OR51L1: variants seen among roughly 807,000 people sequenced by gnomAD.
OR51L1 encodes olfactory receptor family 51 subfamily L member 1.
In OR51L1, 1 loss-of-function variant was observed where a neutral mutation model predicts 1.4. The observed-to-expected ratio is 0.72, with a 90% CI of 0.26 to 3.42. The LOEUF (loss-of-function observed/expected upper bound fraction) is 3.42, where lower values mean the gene tolerates loss of function less well. OR51L1 is among the 30% of genes most tolerant of loss of function. The pLI, the probability that OR51L1 is intolerant of heterozygous loss-of-function variation, is 0.20. For synonymous variants in OR51L1, 156 were observed against 144.2 expected (o/e 1.08, Z -0.59); for missense variants, 378 against 380.0 (o/e 0.99, Z 0.04).
rs1446603729 is a variant in OR51L1, at chr11:4,999,332, T to A, written c.350T>A (p.Leu117Ter). The A allele has an allele frequency of 2.5e-6, 4 of 1,614,170 alleles. No homozygotes were observed. The highest frequency in any genetic ancestry group is 3.4e-6 in the Non-Finnish European group (4 of 1,180,028). Residue 117 changes from leucine to a stop codon, truncating the protein, a stop_gained, in exon 3 of 3, where the codon TTG (leucine) becomes TAG (stop). Coordinates refer to ENST00000641819, the MANE Select transcript of OR51L1 (RefSeq NM_001004755.2). LOFTEE classifies it low-confidence loss of function (END_TRUNC). ...TTCACATTCCTGGAGTCCTCAGTGTTGCTGGCCATGGCCTTTGACCGTTTT... is the reference window on the plus strand; with the variant it reads ...TTCACATTCCTGGAGTCCTCAGTGTAGCTGGCCATGGCCTTTGACCGTTTT... ...HTFTFLESSV[L>*]LAMAFDRFVA...
chr11:5,000,837 T>A lies in OR51L1; in HGVS notation c.*907T>A, dbSNP rs1847123248. On this transcript the variant is annotated 3_prime_UTR_variant, in exon 3 of 3. Transcript: ENST00000641819. Reference sequence around the variant, plus strand: ...TTATCTTGGGTCATCTGGTGGGTCATCCAGTAGTCTGGCCAGTGGGGGAGA... The same window carrying A: ...TTATCTTGGGTCATCTGGTGGGTCAACCAGTAGTCTGGCCAGTGGGGGAGA... The A allele has an allele frequency of 6.6e-6, 1 of 152,456 alleles. No homozygotes were observed. Among genetic ancestry groups the A allele is most frequent in the Admixed American group, 6.5e-5 (1 of 15,270 alleles). The allele number at this position is 152,456 out of a possible 1,614,324, so 9.4% of individuals were successfully genotyped here.
rs572585094 is a variant in OR51L1 at position 5,000,215 on chromosome 11, ATTAAG to A, written c.*288_*292del. ...AAAACTATACAAAATTATTAATGTT[ATTAAG>A]TTGTCATTGTTGTTAATGATAACAG... On this transcript the variant is annotated 3_prime_UTR_variant, in exon 3 of 3. Transcript: ENST00000641819. The A allele has an allele frequency of 2.0e-3, 555 of 276,242 alleles. 5 individuals carry two copies. The highest frequency in any genetic ancestry group is 0.01 in the African/African-American group (451 of 44,198). The allele number at this position is 276,242 out of a possible 1,614,324, so 17.1% of individuals were successfully genotyped here. A position where few individuals can be genotyped will look rare whatever the true frequency, so the allele number is the denominator to read the frequency against.
rs557206358 is a variant in OR51L1, at chr11:5,004,050, A to G, written c.*4120A>G. 1 of 152,322 alleles carries G rather than the reference A, an allele frequency of 6.6e-6. No individual in the cohort carries two copies. The highest frequency in any genetic ancestry group is 1.5e-5 in the Non-Finnish European group (1 of 68,040). 9.4% of individuals were successfully genotyped at this position (152,322 alleles called of 1,614,324 possible). A position where few individuals can be genotyped will look rare whatever the true frequency, so the allele number is the denominator to read the frequency against. On this transcript the variant is annotated 3_prime_UTR_variant, in exon 3 of 3. Coordinates refer to ENST00000641819, the MANE Select transcript of OR51L1 (RefSeq NM_001004755.2). ...TTAATTTCATAAGGAAATCAACTTT[A>G]AAGAAGGTAAAGACAACGCTGAGTA...
chr11:4,998,958 A>G lies in OR51L1; in HGVS notation c.-25A>G, dbSNP rs781483028. On this transcript the variant is annotated 5_prime_UTR_variant, in exon 3 of 3. Coordinates refer to ENST00000641819, the MANE Select transcript of OR51L1 (RefSeq NM_001004755.2). ...AGGAAAACACGAACCATTCCTCACT[A>G]CTTGCTGAATTACTCAAAGTCACTA... 2.5e-6 allele frequency: 4 copies of G among 1,598,790 alleles called. No homozygotes were observed. The highest frequency in any genetic ancestry group is 3.4e-6 in the Non-Finnish European group (4 of 1,170,800).
Position 4,999,463 on chromosome 11 carries a change from A to G in OR51L1, c.481A>G (p.Thr161Ala). ...LLRSLGVVLP[T>A]PLLLRHYHYC... ...ACGAAGCTTGGGAGTTGTACTTCCC[A>G]CACCTTTGCTACTGAGACACTATCA... is the stretch of plus-strand genomic sequence containing the variant. Residue 161 changes from threonine to alanine, a missense_variant, in exon 3 of 3, where the codon ACA becomes GCA. Thr to Ala is a moderately conservative substitution (Grantham distance 58). Transcript: ENST00000641819. 1 of 1,614,110 alleles carries G rather than the reference A, an allele frequency of 6.2e-7. No individual in the cohort carries two copies. The highest frequency in any genetic ancestry group is 2.2e-5 in the East Asian group (1 of 44,858).
chr11:4,998,972 T>C lies in OR51L1; in HGVS notation c.-11T>C. On this transcript the variant is annotated 5_prime_UTR_variant, in exon 3 of 3. Transcript: ENST00000641819. ...CATTCCTCACTACTTGCTGAATTACTCAAAGTCACTATGGGAGACTGGAAT... is the reference window on the plus strand; with the variant it reads ...CATTCCTCACTACTTGCTGAATTACCCAAAGTCACTATGGGAGACTGGAAT... 1.2e-6 allele frequency: 2 copies of C among 1,606,810 alleles called. No homozygotes were observed. The highest frequency in any genetic ancestry group is 1.7e-6 in the Non-Finnish European group (2 of 1,175,352).
chr11:4,998,194 AACACACACACACACAC>A (rs3066001), intron 2 of OR51L1, among the ~76,000 whole-genome samples: 124 of 145,874 alleles, frequency 8.5e-4, no homozygotes, highest in Admixed American at 2.0e-3. Flanking sequence ...TTATTTCACA[AACACACACACACACAC>A]ACACACACAC....
Position 5,000,043 on chromosome 11 carries a change from T to G in OR51L1, c.*113T>G, listed in dbSNP as rs1847116340. The stretch of plus-strand genomic sequence containing the variant: ...CTGGTTAAAATCCTAATTCTTTCAC[T>G]TCTTATACATGTAATTTCAGTTAAT... On this transcript the variant is annotated 3_prime_UTR_variant, in exon 3 of 3. Transcript: ENST00000641819. 9.5e-7 allele frequency: 1 copy of G among 1,056,750 alleles called. No homozygotes were observed. The highest frequency in any genetic ancestry group is 1.6e-5 in the African/African-American group (1 of 62,382). The allele number at this position is 1,056,750 out of a possible 1,614,324, so 65.5% of individuals were successfully genotyped here. A position where few individuals can be genotyped will look rare whatever the true frequency, so the allele number is the denominator to read the frequency against.
chr11:4,998,540 T>C (rs1589828414), intron 2 of OR51L1, among the ~76,000 whole-genome samples: 1 of 152,176 alleles, frequency 6.6e-6, no homozygotes, highest in Non-Finnish European at 1.5e-5. Context: ...ATCAATTCGA[T>C]TGTCATGAAT....
At position 4,999,207 on chromosome 11, in the gene OR51L1, G is replaced by A; in HGVS notation, c.225G>A (p.Met75Ile). ...TCTTAGCAGTGAATGACCTGGGGAT[G>A]TCCCTGTCTACACTTCCCACCATGC... ...ISILAVNDLG[M>I]SLSTLPTMLA... The change falls in exon 3 of 3, where the codon ATG (methionine) becomes ATA (isoleucine). Residue 75 changes from methionine (M) to isoleucine (I), a missense_variant. Met to Ile is a conservative substitution (Grantham distance 10). Coordinates refer to ENST00000641819, the MANE Select transcript of OR51L1 (RefSeq NM_001004755.2). 1 of 1,614,140 alleles carries A rather than the reference G, an allele frequency of 6.2e-7. No individual in the cohort carries two copies. The highest frequency in any genetic ancestry group is 8.5e-7 in the Non-Finnish European group (1 of 1,180,000).
In OR51L1 at chr11:5,000,896, G is replaced by C. The variant is rs1031691711; in HGVS notation, c.*966G>C. 3 of 152,142 alleles carry C rather than the reference G, an allele frequency of 2.0e-5. No individual in the cohort carries two copies. Among genetic ancestry groups the C allele is most frequent in the Non-Finnish European group, 4.4e-5 (3 of 68,134 alleles). 9.4% of individuals were successfully genotyped at this position (152,142 alleles called of 1,614,324 possible). A position where few individuals can be genotyped will look rare whatever the true frequency, so the allele number is the denominator to read the frequency against. ...GGGTGCTTGGTTTGTTTTAAGACTT[G>C]GTCTATGGAACTTCTTTTTCTTTCT... On this transcript the variant is annotated 3_prime_UTR_variant, in exon 3 of 3. Transcript: ENST00000641819.
At position 5,000,055 on chromosome 11, in the gene OR51L1, T is replaced by A; in HGVS notation, c.*125T>A. 1 of 977,194 alleles carries A rather than the reference T, an allele frequency of 1.0e-6. No individual in the cohort carries two copies. Among genetic ancestry groups the A allele is most frequent in the Non-Finnish European group, 1.4e-6 (1 of 691,040 alleles). The allele number at this position is 977,194 out of a possible 1,614,324, so 60.5% of individuals were successfully genotyped here. A position where few individuals can be genotyped will look rare whatever the true frequency, so the allele number is the denominator to read the frequency against. On this transcript the variant is annotated 3_prime_UTR_variant, in exon 3 of 3. Coordinates refer to ENST00000641819, the MANE Select transcript of OR51L1 (RefSeq NM_001004755.2). The stretch of plus-strand genomic sequence containing the variant: ...CTAATTCTTTCACTTCTTATACATG[T>A]AATTTCAGTTAATCTTTAACCAATA...
intron 1 of OR51L1, among the ~76,000 whole-genome samples, chr11:4,997,253 C>T (rs56266619): frequency 0.24 from 36,593 of 151,994 alleles, 4,777 homozygotes; most frequent in South Asian, 0.4. Flanking sequence ...AAATCAAGTC[C>T]TCTTTGGAAT....
chr11:5,003,648 A>G lies in OR51L1; in HGVS notation c.*3718A>G, dbSNP rs1847151196. On this transcript the variant is annotated 3_prime_UTR_variant, in exon 3 of 3. Coordinates refer to ENST00000641819, the MANE Select transcript of OR51L1 (RefSeq NM_001004755.2). The stretch of plus-strand genomic sequence containing the variant: ...GAAAGATAAAATAAAATTCTCAAGG[A>G]TTCCTTTTTTTCAGGCAGATGAAAC... 6.6e-6 allele frequency: 1 copy of G among 152,054 alleles called. No individual in the cohort carries two copies. The highest frequency in any genetic ancestry group is 2.4e-5 in the African/African-American group (1 of 41,414). 9.4% of individuals were successfully genotyped at this position (152,054 alleles called of 1,614,324 possible).
In OR51L1 at chr11:4,994,854, G is replaced by C. The variant is rs769433411; in HGVS notation, c.-743G>C. 1 of 152,050 alleles carries C rather than the reference G, an allele frequency of 6.6e-6. No homozygotes were observed. The highest frequency in any genetic ancestry group is 2.4e-5 in the African/African-American group (1 of 41,410). 9.4% of individuals were successfully genotyped at this position (152,050 alleles called of 1,614,324 possible). On this transcript the variant is annotated 5_prime_UTR_variant, in exon 1 of 3. Coordinates refer to ENST00000641819, the MANE Select transcript of OR51L1 (RefSeq NM_001004755.2). ...TTCAAGCCTCACCACTCACAGAGTCGAAGGTTTTCAAAACCTGAGGTTCAT... is the reference window on the plus strand; with the variant it reads ...TTCAAGCCTCACCACTCACAGAGTCCAAGGTTTTCAAAACCTGAGGTTCAT...
At position 5,001,280 on chromosome 11, in the gene OR51L1, G is replaced by A. The variant is rs925370527; in HGVS notation, c.*1350G>A. 7 of 152,148 alleles carry A rather than the reference G, an allele frequency of 4.6e-5. No homozygotes were observed. The highest frequency in any genetic ancestry group is 1.7e-4 in the African/African-American group (7 of 41,418). 9.4% of individuals were successfully genotyped at this position (152,148 alleles called of 1,614,324 possible). ...GTCGTGCTTGCAGGTGGTTTGGCCA[G>A]TGGAAAGAAAGGAATGTAAAGGTCG... On this transcript the variant is annotated 3_prime_UTR_variant, in exon 3 of 3. Coordinates refer to ENST00000641819, the MANE Select transcript of OR51L1 (RefSeq NM_001004755.2).
chr11:5,002,949 A>G lies in OR51L1; in HGVS notation c.*3019A>G, dbSNP rs908261370. ...GTGGCTAATATCCAAGTCTCATGAC[A>G]TCAAATATATTACTGGTGGAAGGTA... On this transcript the variant is annotated 3_prime_UTR_variant, in exon 3 of 3. Transcript: ENST00000641819. The G allele has an allele frequency of 2.0e-5, 3 of 152,190 alleles. No homozygotes were observed. The highest frequency in any genetic ancestry group is 4.4e-5 in the Non-Finnish European group (3 of 68,038). 9.4% of individuals were successfully genotyped at this position (152,190 alleles called of 1,614,324 possible).
At position 4,995,183 on chromosome 11, in the gene OR51L1, C is replaced by T. The variant is rs1469191160; in HGVS notation, c.-414C>T. ...AGATAAAGAGAGAAAAAGCCACAGACATAGGAACAGAAAGAAAATATGACT... is the reference window on the plus strand; with the variant it reads ...AGATAAAGAGAGAAAAAGCCACAGATATAGGAACAGAAAGAAAATATGACT... On this transcript the variant is annotated 5_prime_UTR_variant, in exon 1 of 3. Coordinates refer to ENST00000641819, the MANE Select transcript of OR51L1 (RefSeq NM_001004755.2). The T allele has an allele frequency of 1.3e-5, 2 of 151,942 alleles. No homozygotes were observed. The highest frequency in any genetic ancestry group is 2.9e-5 in the Non-Finnish European group (2 of 67,972). The allele number at this position is 151,942 out of a possible 1,614,324, so 9.4% of individuals were successfully genotyped here. A position where few individuals can be genotyped will look rare whatever the true frequency, so the allele number is the denominator to read the frequency against.
intron 1 of OR51L1, among the ~76,000 whole-genome samples, chr11:4,995,870 A>G (rs10837101): frequency 0.32 from 48,471 of 151,958 alleles, 8,092 homozygotes; most frequent in African/African-American, 0.36. Flanking sequence ...CATGACAGAT[A>G]TGGCAGTGAG....
Sources: gnomAD v4.1 joint callset for allele counts (sites outside exome capture counted in the v4.1 genomes callset) on GRCh38, gnomAD v4.1.1 for gene constraint, MANE v1.5 for transcripts, NCBI Gene and HGNC (gene_info 2026-07-23, HGNC 2026-07-21) for gene names.